The following MLXIP variants were observed in gnomAD, a reference collection of about 807,000 sequenced individuals.
MLXIP encodes the protein MLX-interacting protein.
In MLXIP, 30 loss-of-function variants were observed where a neutral mutation model predicts 87.2. That is an observed-to-expected ratio of 0.34 (90% confidence interval 0.26 to 0.47). The LOEUF is 0.47. Among genes scored for constraint, MLXIP ranks in the 20% least tolerant of loss-of-function variants. The probability of loss-of-function intolerance (pLI) is 1.00; values close to 1 mark genes in which losing one functional copy is unlikely to be tolerated. For synonymous variants in MLXIP, 530 were observed against 514.0 expected (o/e 1.03, Z -0.42); for missense variants, 1,002 against 1,240.1 (o/e 0.81, Z 2.88).
chr12:122,087,040 G>A (rs548864373), intron 1 of MLXIP, among the ~76,000 whole-genome samples: 11 of 152,182 alleles, frequency 7.2e-5, no homozygotes, highest in Non-Finnish European at 1.5e-4. Flanking sequence ...TATGGACCTT[G>A]CTATGAGCTT....
chr12:122,096,715 G>T (rs1229970846), intron 1 of MLXIP, among the ~76,000 whole-genome samples: 1 of 152,240 alleles, frequency 6.6e-6, no homozygotes, highest in East Asian at 1.9e-4. Flanking sequence ...CCGCAGGACT[G>T]ATGCCGCAGC....
At chr12:122,095,234 ATG>A (rs1952334705) in intron 1 of MLXIP, among the ~76,000 whole-genome samples, 1 of 90,660 alleles carries the variant, frequency 1.1e-5, no homozygotes, top group Non-Finnish European at 2.3e-5. Context: ...TGTGTGTGGG[ATG>A]TGTGGGTATG....
chr12:122,131,514 A>G (rs1018306570), intron 7 of MLXIP, among the ~76,000 whole-genome samples: 2 of 143,244 alleles, frequency 1.4e-5, no homozygotes, highest in Non-Finnish European at 3.0e-5. Flanking sequence ...CAGTGGTTCA[A>G]TCATGGTTCA....
chr12:122,089,254 C>T (rs551307408), intron 1 of MLXIP, among the ~76,000 whole-genome samples: 4 of 152,100 alleles, frequency 2.6e-5, no homozygotes, highest in African/African-American at 4.8e-5. Flanking sequence ...GTAACCAGCC[C>T]GTTCACAATG....
intron 1 of MLXIP, among the ~76,000 whole-genome samples, chr12:122,104,807 C>T (rs36157560): frequency 0.51 from 76,748 of 151,714 alleles, 19,921 homozygotes; most frequent in Middle Eastern, 0.64. Context: ...GTCTTGATCT[C>T]CTGACCTTGT....
rs545342085 is a variant in MLXIP at position 122,133,404 on chromosome 12, C to T, written c.1149C>T (p.Ile383=). Residue 383 remains isoleucine, a synonymous_variant, in exon 9 of 17, where the codon ATC becomes ATT. Coordinates refer to ENST00000319080, the MANE Select transcript of MLXIP (RefSeq NM_014938.6). The surrounding 1 kb of genome is among the most constrained non-coding windows in gnomAD (Gnocchi z 4.9). ...CTGTGAGCCTTCCTGACAGCCTCAT[C>T]GCGCCCCCTACCGCCCCATCCCTGG... is the stretch of plus-strand genomic sequence containing the variant. ...LPTVSLPDSL[I]APPTAPSLAH... 11 of 1,603,994 alleles carry T rather than the reference C, an allele frequency of 6.9e-6. No individual in the cohort carries two copies. The highest frequency in any genetic ancestry group is 5.5e-5 in the South Asian group (5 of 90,262).
intron 1 of MLXIP, among the ~76,000 whole-genome samples, chr12:122,088,012 T>C (rs758770918): frequency 1.4e-4 from 21 of 152,208 alleles, no homozygotes; most frequent in Non-Finnish European, 2.6e-4. Flanking sequence ...TATGTCACGC[T>C]GAGGACACCA....
intron 1 of MLXIP, among the ~76,000 whole-genome samples, chr12:122,108,737 C>T (rs1213937505): frequency 2.0e-5 from 3 of 152,164 alleles, no homozygotes; most frequent in East Asian, 1.9e-4. Context: ...ACCAGCAGTA[C>T]ATCAGGGACT....
At chr12:122,082,438 A>C (rs1952105254) in intron 1 of MLXIP, among the ~76,000 whole-genome samples, 1 of 152,216 alleles carries the variant, frequency 6.6e-6, no homozygotes, top group Non-Finnish European at 1.5e-5. Context: ...ATTTCCCTGC[A>C]AGGTGGAAGT....
rs1379004629 is a variant in MLXIP, at chr12:122,129,519, T to A, written c.697-69T>A. ...CCTACCTGCCTCCCTGAGAGTTCTG[T>A]ATATTCTAGAGCCCTTGGGCCCTCC... On this transcript the variant is annotated intron_variant, in intron 4 of 16. Coordinates refer to ENST00000319080, the MANE Select transcript of MLXIP (RefSeq NM_014938.6). The A allele has an allele frequency of 7.7e-5, 120 of 1,568,284 alleles. 2 individuals carry two copies. In the Admixed American group the frequency reaches 2.2e-3, roughly 28 times the overall value.
intron 1 of MLXIP, among the ~76,000 whole-genome samples, chr12:122,115,148 T>A (rs1043562785): frequency 6.6e-6 from 1 of 152,186 alleles, no homozygotes; most frequent in East Asian, 1.9e-4. Flanking sequence ...CTTTGCACTT[T>A]TCCTTTTTGT....
At chr12:122,118,845 CA>C (rs34776887) in intron 1 of MLXIP, among the ~76,000 whole-genome samples, 177 of 135,186 alleles carry the variant, frequency 1.3e-3, no homozygotes, top group African/African-American at 2.3e-3. Flanking sequence ...ACTCCCATCT[CA>C]AAAAAAAAAA....
intron 1 of MLXIP, among the ~76,000 whole-genome samples, chr12:122,080,484 T>G (rs1382313020): frequency 6.6e-6 from 1 of 152,178 alleles, no homozygotes; most frequent in Admixed American, 6.5e-5. Context: ...TATTAGATAC[T>G]TAGCCCTGGA....
At chr12:122,095,361 G>A (rs1457115170) in intron 1 of MLXIP, among the ~76,000 whole-genome samples, 1 of 151,974 alleles carries the variant, frequency 6.6e-6, no homozygotes, top group Non-Finnish European at 1.5e-5. Context: ...CGGCCGCCTT[G>A]CACAGGTTCC....
chr12:122,135,761 G>A lies in MLXIP; in HGVS notation c.2032+95G>A, dbSNP rs1044503137. 8.0e-6 allele frequency: 11 copies of A among 1,371,886 alleles called. No individual in the cohort carries two copies. The highest frequency in any genetic ancestry group is 4.6e-5 in the South Asian group (3 of 65,908). 85.0% of individuals were successfully genotyped at this position (1,371,886 alleles called of 1,614,324 possible). ...GGGGTGCTTGCTGGGTCCCCAGGAC[G>A]GAGCCTGGGCTTAGGACACACAGTG... On this transcript the variant is annotated intron_variant, in intron 11 of 16. Transcript: ENST00000319080. The surrounding 1 kb of genome is among the most constrained non-coding windows in gnomAD (Gnocchi z 5.3).
chr12:122,116,835 C>T (rs1430301810), intron 1 of MLXIP, among the ~76,000 whole-genome samples: 10 of 152,250 alleles, frequency 6.6e-5, no homozygotes, highest in Middle Eastern at 6.8e-3. Flanking sequence ...TGGGCTGGGC[C>T]GGGCCAGCCT....
intron 1 of MLXIP, among the ~76,000 whole-genome samples, chr12:122,110,263 G>A (rs1952583567): frequency 6.6e-6 from 1 of 152,028 alleles, no homozygotes; most frequent in African/African-American, 2.4e-5. Context: ...GATCAGCCTG[G>A]GCAGCATGGG....
At chr12:122,099,661 G>A (rs1375317864) in intron 1 of MLXIP, among the ~76,000 whole-genome samples, 2 of 152,234 alleles carry the variant, frequency 1.3e-5, no homozygotes, top group Non-Finnish European at 2.9e-5. Flanking sequence ...CTCCCTCAGG[G>A]GGAGGAGCAG....
chr12:122,093,289 G>C (rs1181944150), intron 1 of MLXIP, among the ~76,000 whole-genome samples: 2 of 147,556 alleles, frequency 1.4e-5, no homozygotes, highest in Admixed American at 1.4e-4. Flanking sequence ...TGTGCTGTCT[G>C]TATGTAGTGT....
Sources: gnomAD v4.1 joint callset for allele counts (sites outside exome capture counted in the v4.1 genomes callset) on GRCh38, gnomAD v4.1.1 for gene constraint, Gnocchi (gnomAD v3.1) non-coding constraint, MANE v1.5 for transcripts, NCBI Gene and HGNC (gene_info 2026-07-23, HGNC 2026-07-21) for gene names.